The following FAM227B variants were observed in gnomAD, a reference collection of about 807,000 sequenced individuals.
FAM227B encodes the protein family with sequence similarity 227 member B.
In FAM227B, 88 loss-of-function variants were observed where a neutral mutation model predicts 73.8. That is an observed-to-expected ratio of 1.19 (90% confidence interval 1.00 to 1.42). FAM227B has a LOEUF of 1.42. Among genes scored for constraint, FAM227B ranks in the 40% most tolerant of loss-of-function variants. The pLI is 0.00. For missense variants in FAM227B, 632 were observed against 590.9 expected, an observed-to-expected ratio of 1.07 and a Z score of -0.72; for synonymous variants, 210 against 190.5, an observed-to-expected ratio of 1.10 and a Z score of -0.84.
At chr15:49,572,754 C>A (rs2075196120) in intron 8 of FAM227B, among the ~76,000 whole-genome samples, 1 of 151,942 alleles carries the variant, frequency 6.6e-6, no homozygotes, top group South Asian at 2.1e-4. Flanking sequence ...TTTTGCTAAG[C>A]CTTTAGGAGC....
At chr15:49,601,638 A>T (rs141132462) in intron 3 of FAM227B, among the ~76,000 whole-genome samples, 1 of 152,302 alleles carries the variant, frequency 6.6e-6, no homozygotes, top group Non-Finnish European at 1.5e-5. Flanking sequence ...ATGTGTCACA[A>T]ATAATCCAAT....
chr15:49,410,242 C>T (rs539954695), intron 11 of FAM227B, among the ~76,000 whole-genome samples: 4 of 152,070 alleles, frequency 2.6e-5, no homozygotes, highest in Non-Finnish European at 4.4e-5. Context: ...AATAACTTGC[C>T]TATGTCACAC....
At chr15:49,489,799 TA>T (rs1320659724) in intron 11 of FAM227B, among the ~76,000 whole-genome samples, 4 of 68,172 alleles carry the variant, frequency 5.9e-5, no homozygotes, top group Non-Finnish European at 1.2e-4. Context: ...TATATATATA[TA>T]TTTTATATAT....
At position 49,371,220 on chromosome 15, in the gene FAM227B, G is replaced by C. The variant is rs965073005; in HGVS notation, c.1110+82C>G. On this transcript the variant is annotated intron_variant, in intron 12 of 15. Transcript: ENST00000299338. ...TGGTAAGAATGTAGTAACCAGCATT[G>C]CCTATGTACAGCACAGTCAATTGCA... 9 of 713,430 alleles carry C rather than the reference G, an allele frequency of 1.3e-5. No homozygotes were observed. The African/African-American group carries it at 1.7e-4, about 13-fold the overall frequency. The allele number at this position is 713,430 out of a possible 1,614,324, so 44.2% of individuals were successfully genotyped here.
chr15:49,371,171 C>A, intron 12 of FAM227B, 131 bp downstream of exon 12: 1 of 460,272 alleles, frequency 2.2e-6, no homozygotes, highest in Non-Finnish European at 3.9e-6. Context: ...CTCTTTTGAC[C>A]ATTAAATTCT....
intron 11 of FAM227B, among the ~76,000 whole-genome samples, chr15:49,400,975 T>G (rs1176755772): frequency 1.9e-4 from 23 of 121,452 alleles, no homozygotes; most frequent in African/African-American, 1.3e-3. Flanking sequence ...AAAAGCAATG[T>G]CAACAAAAGA....
chr15:49,361,624 C>T (rs192314439), intron 13 of FAM227B, among the ~76,000 whole-genome samples: 2 of 152,224 alleles, frequency 1.3e-5, no homozygotes, highest in African/African-American at 4.8e-5. Flanking sequence ...ATATGTACCA[C>T]GTTTTCTTTA....
chr15:49,454,039 G>C lies in FAM227B; in HGVS notation c.1012+54172C>G, dbSNP rs1205549071. 2.0e-5 allele frequency among the ~76,000 whole-genome samples: 3 copies of C among 152,130 alleles called. No homozygotes were observed. In the East Asian group the frequency reaches 5.8e-4, roughly 29 times the overall value. ...AATCTCCTAGGAAGTTTATATGGCT[G>C]GGGAGGCAGTGTGGTGTAATAGAAA... On this transcript the variant is annotated intron_variant, in intron 11 of 15. Transcript: ENST00000299338.
intron 11 of FAM227B, among the ~76,000 whole-genome samples, chr15:49,459,368 C>G (rs1363121743): frequency 6.6e-6 from 1 of 152,162 alleles, no homozygotes; most frequent in Non-Finnish European, 1.5e-5. Context: ...ATCAGAACAC[C>G]TGTAATTAGT....
intron 3 of FAM227B, among the ~76,000 whole-genome samples, chr15:49,595,402 T>C (rs1008127800): frequency 3.3e-5 from 5 of 152,048 alleles, no homozygotes; most frequent in African/African-American, 4.8e-5. Flanking sequence ...CAGTGACAGT[T>C]TGACATACTC....
intron 12 of FAM227B, chr15:49,367,960 A>G (rs2045478486): frequency 6.4e-6 from 1 of 155,158 alleles, no homozygotes; most frequent in Admixed American, 6.5e-5. Context: ...TTCAAAATTT[A>G]TGAAAAACAC....
rs553532622 is a variant in FAM227B at position 49,337,935 on chromosome 15, C to T, written c.1272-2439G>A. On this transcript the variant is annotated intron_variant, in intron 13 of 15. Transcript: ENST00000299338. ...GACATTTGGGTTGGTTCCAAGTCTTCGCTATTGTGAACACTGCCGCAATAA... is the reference window on the plus strand; with the variant it reads ...GACATTTGGGTTGGTTCCAAGTCTTTGCTATTGTGAACACTGCCGCAATAA... Among the ~76,000 whole-genome samples the T allele has an allele frequency of 2.2e-4, 34 of 152,216 alleles. 1 individual carries two copies. Among genetic ancestry groups the T allele is most frequent in the African/African-American group, 5.1e-4 (21 of 41,530 alleles).
intron 11 of FAM227B, among the ~76,000 whole-genome samples, chr15:49,388,775 A>T (rs1426866388): frequency 6.6e-6 from 1 of 152,024 alleles, no homozygotes; most frequent in African/African-American, 2.4e-5. Context: ...CAAGGAACTC[A>T]AACAAATTAC....
At chr15:49,460,821 T>A (rs1230732852) in intron 11 of FAM227B, among the ~76,000 whole-genome samples, 2 of 152,226 alleles carry the variant, frequency 1.3e-5, no homozygotes, top group East Asian at 3.8e-4. Flanking sequence ...GCTTTGTGTG[T>A]GAGGCAGATA....
intron 13 of FAM227B, among the ~76,000 whole-genome samples, chr15:49,349,849 C>T (rs199777998): frequency 7.3e-5 from 11 of 151,176 alleles, no homozygotes; most frequent in Middle Eastern, 3.2e-3. Context: ...TAAGCAAAAA[C>T]GATAAAAAAC....
chr15:49,394,596 T>G (rs753681875), intron 11 of FAM227B, among the ~76,000 whole-genome samples: 3 of 152,150 alleles, frequency 2.0e-5, no homozygotes, highest in Non-Finnish European at 4.4e-5. Context: ...CTGTATACAG[T>G]TAGCTGCACA....
intron 11 of FAM227B, among the ~76,000 whole-genome samples, chr15:49,437,530 G>A (rs1215321253): frequency 6.6e-6 from 1 of 151,550 alleles, no homozygotes; most frequent in South Asian, 2.1e-4. Context: ...TTTTTTTGGG[G>A]TGTGATTCTG....
intron 9 of FAM227B, among the ~76,000 whole-genome samples, chr15:49,553,963 G>A (rs930127394): frequency 1.8e-4 from 27 of 152,282 alleles, no homozygotes; most frequent in African/African-American, 6.0e-4. Flanking sequence ...GTAGTACTTG[G>A]GTATTGCTGC....
chr15:49,482,549 T>C (rs1380537858), intron 11 of FAM227B, among the ~76,000 whole-genome samples: 1 of 152,082 alleles, frequency 6.6e-6, no homozygotes, highest in East Asian at 1.9e-4. Context: ...TTTCAGTATA[T>C]TCAAGAGCTA....
Sources: gnomAD v4.1 joint callset for allele counts (sites outside exome capture counted in the v4.1 genomes callset) on GRCh38, gnomAD v4.1.1 for gene constraint, MANE v1.5 for transcripts, NCBI Gene and HGNC (gene_info 2026-07-23, HGNC 2026-07-21) for gene names.